The following CAP2 variants were observed in gnomAD, a reference collection of about 807,000 sequenced individuals.
CAP2 encodes the protein adenylyl cyclase-associated protein 2.
Under a neutral mutation model 57.7 loss-of-function variants are expected in CAP2, and 24 were observed. The observed-to-expected ratio is 0.42, with a 90% CI of 0.30 to 0.58. The LOEUF (loss-of-function observed/expected upper bound fraction) is 0.58. CAP2 is among the 20% of genes least tolerant of loss of function. The pLI is 0.22. For synonymous variants in CAP2, 194 were observed against 207.2 expected (o/e 0.94, Z 0.55); for missense variants, 501 against 590.3 (o/e 0.85, Z 1.57).
chr6:17,445,894 A>C (rs1022975702), intron 3 of CAP2, among the ~76,000 whole-genome samples: 1 of 152,240 alleles, frequency 6.6e-6, no homozygotes, highest in Non-Finnish European at 1.5e-5. Flanking sequence ...TGCAGCTCGA[A>C]AACTATTCAC....
chr6:17,424,806 A>C (rs1451980793), intron 2 of CAP2, among the ~76,000 whole-genome samples: 1 of 152,202 alleles, frequency 6.6e-6, no homozygotes, highest in Non-Finnish European at 1.5e-5. Flanking sequence ...CCCTTTTATC[A>C]TTGTACCTTC....
At chr6:17,420,669 A>G (rs1196721447) in intron 1 of CAP2, among the ~76,000 whole-genome samples, 1 of 152,228 alleles carries the variant, frequency 6.6e-6, no homozygotes, top group Non-Finnish European at 1.5e-5. Context: ...TTTTCCATAT[A>G]TGTTTTGTGG....
rs146445882 is a variant in CAP2, at chr6:17,500,779, A to C, written c.301-6390A>C. ...TTTAGAATATATAGATAAGCCAATA[A>C]AATTAAATAACAGTTCTATGTTGAC... On this transcript the variant is annotated intron_variant, in intron 4 of 12. Coordinates refer to ENST00000229922, the MANE Select transcript of CAP2 (RefSeq NM_006366.3). Among the ~76,000 whole-genome samples the C allele has an allele frequency of 5.1e-4, 77 of 152,316 alleles. 1 individual carries two copies. In the East Asian group the frequency reaches 0.014, roughly 27 times the overall value.
chr6:17,523,241 G>A (rs910900680), intron 7 of CAP2, among the ~76,000 whole-genome samples: 5 of 152,114 alleles, frequency 3.3e-5, no homozygotes, highest in Non-Finnish European at 7.3e-5. Context: ...GGAGGACAAG[G>A]GACATAAAAT....
intron 3 of CAP2, among the ~76,000 whole-genome samples, chr6:17,431,065 A>G (rs1311157293): frequency 6.6e-6 from 1 of 152,314 alleles, no homozygotes; most frequent in East Asian, 1.9e-4. Context: ...AACTGCTGTT[A>G]CCACATGCTC....
intron 7 of CAP2, among the ~76,000 whole-genome samples, chr6:17,523,676 C>T (rs533833632): frequency 6.6e-6 from 1 of 152,282 alleles, no homozygotes; most frequent in Non-Finnish European, 1.5e-5. Context: ...GTGATACCAA[C>T]TGTAGTAAGC....
At chr6:17,538,448 C>T (rs190030903) in intron 7 of CAP2, among the ~76,000 whole-genome samples, 1 of 152,222 alleles carries the variant, frequency 6.6e-6, no homozygotes, top group African/African-American at 2.4e-5. Flanking sequence ...GAGTGAGACC[C>T]TGTCTCCTTA....
At position 17,513,475 on chromosome 6, in the gene CAP2, C is replaced by T. The variant is rs1314201277; in HGVS notation, c.531-374C>T. 6.6e-6 allele frequency among the ~76,000 whole-genome samples: 1 copy of T among 152,070 alleles called. No homozygotes were observed. The highest frequency in any genetic ancestry group is 2.4e-5 in the African/African-American group (1 of 41,394). ...TCATTCCTGGGAGTATATTGTCTCT[C>T]ATTTTGCATCAGAAGCAGTGCAGAA... On this transcript the variant is annotated intron_variant, in intron 6 of 12. Transcript: ENST00000229922. This position sits in a 1 kb window ranked among gnomAD's most constrained non-coding sequence, Gnocchi z 4.3.
intron 4 of CAP2, among the ~76,000 whole-genome samples, chr6:17,480,067 C>A (rs1314088709): frequency 1.3e-5 from 2 of 152,144 alleles, no homozygotes; most frequent in Admixed American, 1.3e-4. Context: ...CTCCTCCAGC[C>A]TGTCTTCCAT....
chr6:17,513,424 CT>C lies in CAP2; in HGVS notation c.531-416del, dbSNP rs11447917. On this transcript the variant is annotated intron_variant, in intron 6 of 12. Transcript: ENST00000229922. This position sits in a 1 kb window ranked among gnomAD's most constrained non-coding sequence, Gnocchi z 4.3. ...AATTATTAGAAAATGAACCCAATGACTTTTTTTTTCTTTTTAATACCATTCT... is the reference window on the plus strand; with the variant it reads ...AATTATTAGAAAATGAACCCAATGACTTTTTTTTCTTTTTAATACCATTCT... Among the ~76,000 whole-genome samples, 3 of 151,692 alleles carry C rather than the reference CT, an allele frequency of 2.0e-5. No individual in the cohort carries two copies. The highest frequency in any genetic ancestry group is 2.1e-4 in the South Asian group (1 of 4,800).
At chr6:17,486,347 T>A (rs1300895016) in intron 4 of CAP2, among the ~76,000 whole-genome samples, 1 of 152,242 alleles carries the variant, frequency 6.6e-6, no homozygotes, top group African/African-American at 2.4e-5. Flanking sequence ...GGCTCATGCC[T>A]GTAATCCCAG....
At chr6:17,555,554 ATTATTTTATT>A (rs1236228367) in intron 12 of CAP2, among the ~76,000 whole-genome samples, 1 of 149,988 alleles carries the variant, frequency 6.7e-6, no homozygotes, top group Non-Finnish European at 1.5e-5. Flanking sequence ...TATTATTATT[ATTATTTTATT>A]TTATTTTATT....
intron 7 of CAP2, among the ~76,000 whole-genome samples, chr6:17,523,350 C>T (rs1192846084): frequency 6.6e-6 from 1 of 152,086 alleles, no homozygotes; most frequent in Non-Finnish European, 1.5e-5. Flanking sequence ...GAAGAAAAAT[C>T]TTCACCTGGG....
intron 3 of CAP2, among the ~76,000 whole-genome samples, chr6:17,440,614 GGTGTGTGT>G (rs55662495): frequency 2.1e-5 from 3 of 141,594 alleles, no homozygotes; most frequent in South Asian, 2.3e-4. Flanking sequence ...AACTGTGTGT[GGTGTGTGT>G]GTGTGTGTGT....
chr6:17,512,496 A>C (rs894012809), intron 6 of CAP2, among the ~76,000 whole-genome samples: 1 of 152,228 alleles, frequency 6.6e-6, no homozygotes, highest in Non-Finnish European at 1.5e-5. Flanking sequence ...ACATATAAAC[A>C]TAGACATATG....
At chr6:17,428,380 G>C (rs982515949) in intron 3 of CAP2, among the ~76,000 whole-genome samples, 3 of 152,010 alleles carry the variant, frequency 2.0e-5, no homozygotes, top group African/African-American at 7.3e-5. Context: ...TGTATCACTG[G>C]GTTCTTCTTT....
At chr6:17,487,230 G>A (rs954000995) in intron 4 of CAP2, among the ~76,000 whole-genome samples, 1 of 152,074 alleles carries the variant, frequency 6.6e-6, no homozygotes, top group African/African-American at 2.4e-5. Flanking sequence ...TGCTGTGGAC[G>A]TCCCCAGTCG....
At chr6:17,449,101 G>A (rs1304187592) in intron 3 of CAP2, among the ~76,000 whole-genome samples, 2 of 152,120 alleles carry the variant, frequency 1.3e-5, no homozygotes, top group Admixed American at 6.5e-5. Context: ...ATTTCTTCAC[G>A]TGTTACACCG....
intron 1 of CAP2, among the ~76,000 whole-genome samples, chr6:17,406,412 T>TTTTTTTTTTTTTTTTTTTTTTTC (rs1197104013): frequency 0.013 from 1,795 of 134,998 alleles, 367 homozygotes; most frequent in African/African-American, 0.064. Context: ...TTTTTTTTTT[T>TTTTTTTTTTTTTTTTTTTTTTTC]TGAGGCAGTC....
Sources: allele counts gnomAD v4.1 joint callset (sites outside exome capture counted in the v4.1 genomes callset), GRCh38; gene constraint gnomAD v4.1.1; non-coding constraint Gnocchi (gnomAD v3.1); transcripts MANE v1.5; gene names NCBI Gene and HGNC (gene_info 2026-07-23, HGNC 2026-07-21).